Variants in MDGA2 observed in about 807,000 individuals in gnomAD.
MDGA2 encodes MAM domain-containing glycosylphosphatidylinositol anchor protein 2.
A neutral mutation model predicts 117.8 loss-of-function variants in MDGA2; 40 were observed. That is an observed-to-expected ratio of 0.34 (90% confidence interval 0.26 to 0.44). The LOEUF is 0.44. Among genes scored for constraint, MDGA2 ranks in the 20% least tolerant of loss-of-function variants. MDGA2 has a pLI of 1.00. For missense variants in MDGA2, 1,123 were observed against 1,250.6 expected (o/e 0.90, Z 1.54); for synonymous variants, 452 against 439.0 (o/e 1.03, Z -0.37).
intron 5 of MDGA2, among the ~76,000 whole-genome samples, chr14:47,110,207 C>T (rs1182850949): frequency 2.6e-5 from 4 of 151,656 alleles, no homozygotes; most frequent in Admixed American, 2.6e-4. Context: ...CTCCTTTGTA[C>T]TTATTTGTTC....
At chr14:47,597,839 C>T (rs1338146123) in intron 1 of MDGA2, among the ~76,000 whole-genome samples, 1 of 110,286 alleles carries the variant, frequency 9.1e-6, no homozygotes, top group East Asian at 3.0e-4. Context: ...GCACACCACA[C>T]ACACATACAC....
At chr14:47,323,658 A>AAAAC in intron 1 of MDGA2, among the ~76,000 whole-genome samples, 1 of 145,846 alleles carries the variant, frequency 6.9e-6, no homozygotes, top group African/African-American at 2.6e-5. Flanking sequence ...CAAAACAAAA[A>AAAAC]ACAACATGAC....
intron 8 of MDGA2, among the ~76,000 whole-genome samples, chr14:47,023,547 C>T (rs1888369080): frequency 6.6e-6 from 1 of 152,074 alleles, no homozygotes; most frequent in South Asian, 2.1e-4. Context: ...ATTATGAATA[C>T]ATAGCAAAGC....
intron 3 of MDGA2, among the ~76,000 whole-genome samples, chr14:47,181,113 T>G (rs1306142858): frequency 6.6e-6 from 1 of 152,182 alleles, no homozygotes; most frequent in Non-Finnish European, 1.5e-5. Flanking sequence ...AGGATATATG[T>G]GCAGAATGTG....
intron 5 of MDGA2, among the ~76,000 whole-genome samples, chr14:47,099,831 C>A (rs888855413): frequency 2.0e-5 from 3 of 151,950 alleles, no homozygotes; most frequent in Non-Finnish European, 4.4e-5. Context: ...ATTTAACATG[C>A]GTAATCTGAA....
At chr14:46,904,863 C>A (rs774596693) in intron 10 of MDGA2, among the ~76,000 whole-genome samples, 1 of 152,170 alleles carries the variant, frequency 6.6e-6, no homozygotes, top group Non-Finnish European at 1.5e-5. Flanking sequence ...TTTCAACATC[C>A]TTGTTTCTTA....
chr14:47,428,973 A>G (rs954059675), intron 1 of MDGA2, among the ~76,000 whole-genome samples: 2 of 152,034 alleles, frequency 1.3e-5, no homozygotes, highest in Admixed American at 6.6e-5. Flanking sequence ...TATTATATAA[A>G]AAAACTAAGG....
intron 6 of MDGA2, among the ~76,000 whole-genome samples, chr14:47,076,138 G>T (rs1890482944): frequency 6.6e-6 from 1 of 152,012 alleles, no homozygotes; most frequent in African/African-American, 2.4e-5. Flanking sequence ...GATGGTGCCT[G>T]ATAAATACTA....
intron 8 of MDGA2, among the ~76,000 whole-genome samples, chr14:47,021,745 G>C (rs1888293595): frequency 6.6e-6 from 1 of 152,212 alleles, no homozygotes; most frequent in East Asian, 1.9e-4. Context: ...AGATTACTTA[G>C]AGACCATCAT....
chr14:47,145,933 T>C (rs1369676811), intron 3 of MDGA2, among the ~76,000 whole-genome samples: 2 of 152,124 alleles, frequency 1.3e-5, no homozygotes, highest in Non-Finnish European at 2.9e-5. Flanking sequence ...ACTCTTATTA[T>C]AAATAGGTAA....
intron 8 of MDGA2, among the ~76,000 whole-genome samples, chr14:46,961,395 T>C (rs765093605): frequency 2.6e-5 from 4 of 152,144 alleles, no homozygotes; most frequent in Non-Finnish European, 4.4e-5. Context: ...CACTTGTTGG[T>C]TTTTCTGTAC....
chr14:47,465,148 A>AC (rs1893574359), intron 1 of MDGA2, among the ~76,000 whole-genome samples: 1 of 151,910 alleles, frequency 6.6e-6, no homozygotes, highest in African/African-American at 2.4e-5. Context: ...CTGAAGCTGG[A>AC]CCCCATCCTT....
chr14:47,097,329 G>A (rs1880034042), intron 5 of MDGA2, among the ~76,000 whole-genome samples: 1 of 151,950 alleles, frequency 6.6e-6, no homozygotes, highest in Non-Finnish European at 1.5e-5. Context: ...ACTGTATTAA[G>A]AATCTTACAC....
chr14:46,964,589 C>A (rs147750265), intron 8 of MDGA2, among the ~76,000 whole-genome samples: 1 of 152,110 alleles, frequency 6.6e-6, no homozygotes, highest in South Asian at 2.1e-4. Context: ...ACAAAGGTAT[C>A]CGGGAGCCAG....
chr14:47,139,255 C>A (rs1882599437), intron 4 of MDGA2, among the ~76,000 whole-genome samples: 1 of 152,010 alleles, frequency 6.6e-6, no homozygotes, highest in African/African-American at 2.4e-5. Flanking sequence ...TCCCTGTTCT[C>A]CACACATACT....
chr14:47,625,869 G>A (rs117251409), intron 1 of MDGA2, among the ~76,000 whole-genome samples: 1 of 152,122 alleles, frequency 6.6e-6, no homozygotes, highest in Non-Finnish European at 1.5e-5. Context: ...TTAATCTCAG[G>A]AGCCCAATGA....
intron 1 of MDGA2, among the ~76,000 whole-genome samples, chr14:47,582,350 C>T (rs1376539285): frequency 6.6e-6 from 1 of 151,862 alleles, no homozygotes; most frequent in African/African-American, 2.4e-5. Flanking sequence ...GATGGAATCA[C>T]AATCAATTCA....
chr14:47,144,678 T>C (rs1408422824), intron 3 of MDGA2, among the ~76,000 whole-genome samples: 3 of 152,070 alleles, frequency 2.0e-5, no homozygotes, highest in Non-Finnish European at 4.4e-5. Context: ...AAACAGAGTC[T>C]TGCTCTGTCA....
chr14:47,355,947 G>A (rs75619204), intron 1 of MDGA2, among the ~76,000 whole-genome samples: 3 of 152,054 alleles, frequency 2.0e-5, no homozygotes, highest in Admixed American at 6.6e-5. Flanking sequence ...TAAGGCAACC[G>A]CAGTCTCCCA....
Sources: gnomAD v4.1 joint callset for allele counts (sites outside exome capture counted in the v4.1 genomes callset) on GRCh38, gnomAD v4.1.1 for gene constraint, MANE v1.5 for transcripts, NCBI Gene and HGNC (gene_info 2026-07-23, HGNC 2026-07-21) for gene names.